Variants in DPP10 observed in about 807,000 individuals in gnomAD.
DPP10 encodes dipeptidyl peptidase like 10.
In DPP10, 33 loss-of-function variants were observed where a neutral mutation model predicts 120.9. The ratio of observed to expected loss-of-function variants is 0.27; its 90% confidence interval spans 0.21 to 0.37. The LOEUF (loss-of-function observed/expected upper bound fraction) is 0.37, where lower values mean the gene tolerates loss of function less well. Ranked by LOEUF, DPP10 falls within the 10% of genes least tolerant of loss-of-function variation. The pLI, the probability that DPP10 is intolerant of heterozygous loss-of-function variation, is 1.00. For synonymous variants in DPP10, 337 were observed against 326.1 expected, an observed-to-expected ratio of 1.03 and a Z score of -0.36; for missense variants, 816 against 942.8, an observed-to-expected ratio of 0.87 and a Z score of 1.76.
intron 5 of DPP10, among the ~76,000 whole-genome samples, chr2:115,535,378 C>A (rs1400809633): frequency 2.0e-5 from 3 of 151,876 alleles, no homozygotes; most frequent in African/African-American, 7.2e-5. Context: ...GAATCCTTTC[C>A]CCATTGCTTG....
At chr2:114,671,065 T>C (rs1053027265) in intron 1 of DPP10, among the ~76,000 whole-genome samples, 10 of 152,118 alleles carry the variant, frequency 6.6e-5, no homozygotes, top group Non-Finnish European at 1.3e-4. Context: ...CTGAAGCAAA[T>C]TTGGTTGACA....
intron 1 of DPP10, among the ~76,000 whole-genome samples, chr2:114,751,932 G>A (rs1679265297): frequency 6.6e-6 from 1 of 152,236 alleles, no homozygotes; most frequent in Non-Finnish European, 1.5e-5. Flanking sequence ...GAATAGGTCA[G>A]TAGATCTGGC....
chr2:114,690,341 T>C (rs1420943489), intron 1 of DPP10, among the ~76,000 whole-genome samples: 1 of 152,034 alleles, frequency 6.6e-6, no homozygotes, highest in Non-Finnish European at 1.5e-5. Flanking sequence ...AAATGGGGAG[T>C]CCTTTCCCCA....
intron 1 of DPP10, among the ~76,000 whole-genome samples, chr2:115,163,902 C>G (rs1286278139): frequency 6.6e-6 from 1 of 151,926 alleles, no homozygotes; most frequent in African/African-American, 2.4e-5. Flanking sequence ...GCTGTCTATA[C>G]ACAACAAATC....
chr2:114,644,741 T>C lies in DPP10; in HGVS notation c.60+201903T>C, dbSNP rs989590881. On this transcript the variant is annotated intron_variant, in intron 1 of 25. Coordinates refer to ENST00000410059, the MANE Select transcript of DPP10 (RefSeq NM_020868.6). The stretch of plus-strand genomic sequence containing the variant: ...TCTGTAGTTATTCAGTCAATATTTA[T>C]TGGCAACAATCATGCAATAAGCAAC... 8.6e-5 allele frequency among the ~76,000 whole-genome samples: 13 copies of C among 151,948 alleles called. 1 individual carries two copies. The highest frequency in any genetic ancestry group is 2.9e-4 in the African/African-American group (12 of 41,200).
At chr2:114,694,899 A>G (rs1477781427) in intron 1 of DPP10, among the ~76,000 whole-genome samples, 1 of 151,990 alleles carries the variant, frequency 6.6e-6, no homozygotes, top group East Asian at 1.9e-4. Context: ...TTGGGAGAAG[A>G]AGAGAGAAGA....
rs533684566 is a variant in DPP10 at position 115,605,846 on chromosome 2, C to A, written c.441+79874C>A. On this transcript the variant is annotated intron_variant, in intron 5 of 25. Coordinates refer to ENST00000410059, the MANE Select transcript of DPP10 (RefSeq NM_020868.6). ...CATCTTCCCAACAATATTATGAATGCAAAGTATTATGCAGAATTGTCAAAT... is the reference window on the plus strand; with the variant it reads ...CATCTTCCCAACAATATTATGAATGAAAAGTATTATGCAGAATTGTCAAAT... Among the ~76,000 whole-genome samples the A allele has an allele frequency of 2.6e-5, 4 of 152,048 alleles. No individual in the cohort carries two copies. The South Asian group carries it at 8.3e-4, about 31-fold the overall frequency.
intron 1 of DPP10, among the ~76,000 whole-genome samples, chr2:114,632,113 T>C (rs1022854998): frequency 1.3e-5 from 2 of 152,164 alleles, no homozygotes; most frequent in African/African-American, 4.8e-5. Context: ...GGGTTAAATA[T>C]TTTTTCTCTG....
intron 1 of DPP10, among the ~76,000 whole-genome samples, chr2:115,241,532 A>G (rs984880456): frequency 6.6e-6 from 1 of 152,178 alleles, no homozygotes; most frequent in African/African-American, 2.4e-5. Flanking sequence ...AGATTTTGTG[A>G]TTCACAATAA....
At chr2:115,481,375 A>G (rs1366334146) in intron 3 of DPP10, among the ~76,000 whole-genome samples, 1 of 152,170 alleles carries the variant, frequency 6.6e-6, no homozygotes, top group Admixed American at 6.6e-5. Context: ...GAAGCTAAGT[A>G]GAAAGGCAAA....
chr2:115,438,428 G>C (rs747000451), intron 3 of DPP10, among the ~76,000 whole-genome samples: 1 of 152,020 alleles, frequency 6.6e-6, no homozygotes, highest in African/African-American at 2.4e-5. Flanking sequence ...ATATACTTGC[G>C]TGCCAATTAT....
At chr2:115,610,316 G>A (rs935225967) in intron 5 of DPP10, among the ~76,000 whole-genome samples, 1 of 152,206 alleles carries the variant, frequency 6.6e-6, no homozygotes, top group African/African-American at 2.4e-5. Context: ...CTGTAATAGG[G>A]AAATGTCTTC....
chr2:114,824,404 T>C (rs1261475435), intron 1 of DPP10, among the ~76,000 whole-genome samples: 1 of 152,166 alleles, frequency 6.6e-6, no homozygotes, highest in African/African-American at 2.4e-5. Flanking sequence ...GAAGATGAGA[T>C]TTCAAAATGA....
chr2:115,791,108 T>G lies in DPP10; in HGVS notation c.1559T>G (p.Met520Arg), dbSNP rs765690720. Reference protein sequence around the residue: ...AKYFILESNSMLKEAILKKKI... With the variant: ...AKYFILESNSRLKEAILKKKI... The stretch of plus-strand genomic sequence containing the variant: ...TATTTTATATTGGAAAGCAATTCTA[T>G]GCTGAAGGAAGCTATCCTGAAGAAG... The change falls in exon 18 of 26, where the codon ATG (methionine) becomes AGG (arginine). Residue 520 changes from methionine to arginine, a missense_variant. This residue lies in a region of DPP10 where 592 missense variants were observed against 649.0 expected (regional missense o/e 0.91). Transcript: ENST00000410059. The G allele has an allele frequency of 1.2e-6, 2 of 1,613,452 alleles. No homozygotes were observed. The highest frequency in any genetic ancestry group is 2.2e-5 in the South Asian group (2 of 91,006).
chr2:115,665,810 C>A (rs75379934), intron 5 of DPP10, among the ~76,000 whole-genome samples: 1 of 151,882 alleles, frequency 6.6e-6, no homozygotes, highest in Admixed American at 6.6e-5. Flanking sequence ...ATGGTGATAT[C>A]GAATCTACTA....
Position 115,243,042 on chromosome 2 carries a change from C to T in DPP10, c.61-66197C>T, listed in dbSNP as rs556707212. ...GTTTTATAACACACACATACACACA[C>T]GTGTGCACCTAACATTTGTTGTGAT... On this transcript the variant is annotated intron_variant, in intron 1 of 25. Transcript: ENST00000410059. Among the ~76,000 whole-genome samples, 27 of 152,174 alleles carry T rather than the reference C, an allele frequency of 1.8e-4. No individual in the cohort carries two copies. In the South Asian group the frequency reaches 3.5e-3, roughly 20 times the overall value.
Position 115,639,527 on chromosome 2 carries a change from G to A in DPP10, c.442-50160G>A, listed in dbSNP as rs567335462. On this transcript the variant is annotated intron_variant, in intron 5 of 25. Coordinates refer to ENST00000410059, the MANE Select transcript of DPP10 (RefSeq NM_020868.6). ...TATAGGTTGTGCCAGTATATGGGAG[G>A]CTGAGGGTCAGAAGGTTTATGCAAA... Among the ~76,000 whole-genome samples, 17 of 152,216 alleles carry A rather than the reference G, an allele frequency of 1.1e-4. No individual in the cohort carries two copies. In the East Asian group the frequency reaches 2.9e-3, roughly 26 times the overall value.
intron 3 of DPP10, among the ~76,000 whole-genome samples, chr2:115,357,448 G>A (rs1288317176): frequency 2.0e-5 from 3 of 152,236 alleles, no homozygotes; most frequent in Non-Finnish European, 4.4e-5. Context: ...TCACATCCAG[G>A]TAACACTGAT....
chr2:115,200,535 C>G (rs1335205712), intron 1 of DPP10, among the ~76,000 whole-genome samples: 2 of 152,188 alleles, frequency 1.3e-5, no homozygotes, highest in African/African-American at 4.8e-5. Flanking sequence ...AATGACTATT[C>G]ATTATGCGGA....
Sources: allele counts gnomAD v4.1 joint callset (sites outside exome capture counted in the v4.1 genomes callset), GRCh38; gene constraint gnomAD v4.1.1; regional missense constraint gnomAD v4.1.1; transcripts MANE v1.5; gene names NCBI Gene and HGNC (gene_info 2026-07-23, HGNC 2026-07-21).